The following SUMF1 variants were observed in gnomAD, a reference collection of about 807,000 sequenced individuals.
The protein encoded by SUMF1 is formylglycine-generating enzyme.
A neutral mutation model predicts 47.6 loss-of-function variants in SUMF1; 48 were observed. The ratio of observed to expected loss-of-function variants is 1.01; its 90% CI spans 0.80 to 1.28. The LOEUF (loss-of-function observed/expected upper bound fraction) is 1.28, where lower values mean the gene tolerates loss of function less well. Ranked by LOEUF, SUMF1 falls within the 50% of genes most tolerant of loss-of-function variation. The pLI is 0.00. For synonymous variants in SUMF1, 230 were observed against 192.1 expected, an observed-to-expected ratio of 1.20 and a Z score of -1.63; for missense variants, 571 against 485.4, an observed-to-expected ratio of 1.18 and a Z score of -1.66.
At chr3:4,055,571 C>T (rs1332976738) in intron 9 of SUMF1, among the ~76,000 whole-genome samples, 1 of 152,068 alleles carries the variant, frequency 6.6e-6, no homozygotes, top group Non-Finnish European at 1.5e-5. Flanking sequence ...TAATCTTGAA[C>T]TCCTGAACTC....
At chr3:4,239,662 G>C (rs1040791411) in intron 8 of SUMF1, among the ~76,000 whole-genome samples, 1 of 152,186 alleles carries the variant, frequency 6.6e-6, no homozygotes, top group East Asian at 1.9e-4. Flanking sequence ...AGCTTAAGGA[G>C]ATTTTGGGCT....
At chr3:4,099,965 T>C (rs1165779514) in intron 8 of SUMF1, among the ~76,000 whole-genome samples, 1 of 151,546 alleles carries the variant, frequency 6.6e-6, no homozygotes, top group Non-Finnish European at 1.5e-5. Flanking sequence ...CACAAATAAA[T>C]GGAAAGATAT....
chr3:4,233,869 C>G (rs569911665), intron 8 of SUMF1, among the ~76,000 whole-genome samples: 1 of 152,124 alleles, frequency 6.6e-6, no homozygotes. Context: ...AGGGTTTGCA[C>G]CGATGCACCA....
At chr3:4,276,317 C>T (rs1284238317) in intron 8 of SUMF1, among the ~76,000 whole-genome samples, 1 of 152,022 alleles carries the variant, frequency 6.6e-6, no homozygotes, top group Admixed American at 6.6e-5. Context: ...AAGAAATAGC[C>T]TAAAAAGACA....
chr3:4,246,514 G>C (rs760246925), intron 8 of SUMF1, among the ~76,000 whole-genome samples: 8 of 152,038 alleles, frequency 5.3e-5, no homozygotes, highest in South Asian at 2.1e-4. Flanking sequence ...TGATTCTCCT[G>C]TCTCAGCCTC....
At chr3:4,420,534 C>T (rs1701861038) in intron 3 of SUMF1, among the ~76,000 whole-genome samples, 1 of 151,686 alleles carries the variant, frequency 6.6e-6, no homozygotes. Context: ...GTAGCTGGGA[C>T]TACAGGCACG....
intron 8 of SUMF1, among the ~76,000 whole-genome samples, chr3:4,263,625 G>C (rs562789347): frequency 6.6e-6 from 1 of 152,072 alleles, no homozygotes; most frequent in Non-Finnish European, 1.5e-5. Flanking sequence ...CCAGTTCACT[G>C]GGAAATGCCC....
At chr3:4,228,928 A>G (rs1696235881) in intron 8 of SUMF1, among the ~76,000 whole-genome samples, 1 of 152,162 alleles carries the variant, frequency 6.6e-6, no homozygotes, top group South Asian at 2.1e-4. Flanking sequence ...CAAAAAGGTG[A>G]ATTATTGTAA....
intron 1 of SUMF1, 107 bp downstream of exon 1, chr3:4,466,869 T>G (rs2079962135): frequency 1.4e-6 from 2 of 1,478,846 alleles, no homozygotes; most frequent in African/African-American, 2.8e-5. Context: ...ATTTGGGGTG[T>G]GGTTATAACC....
rs1027579680 is a variant in SUMF1 at position 4,293,768 on chromosome 3, G to T, written c.1014+82562C>A. Among the ~76,000 whole-genome samples the T allele has an allele frequency of 5.3e-5, 8 of 152,290 alleles. 1 individual carries two copies. In the South Asian group the frequency reaches 1.7e-3, roughly 32 times the overall value. ...ATGTGATTATATTTTCAAAGCCCAA[G>T]AGCACAACCCTTAGTAAAAACATCT... On this transcript the variant is annotated intron_variant and NMD_transcript_variant, in intron 8 of 12. Transcript: ENST00000448413.
chr3:4,447,477 T>C (rs1702819334), intron 3 of SUMF1, among the ~76,000 whole-genome samples: 1 of 152,088 alleles, frequency 6.6e-6, no homozygotes. Flanking sequence ...TTCAGTGAGA[T>C]TGGAGGCTTG....
intron 8 of SUMF1, among the ~76,000 whole-genome samples, chr3:4,301,337 T>C (rs1387862122): frequency 6.6e-6 from 1 of 151,890 alleles, no homozygotes; most frequent in Non-Finnish European, 1.5e-5. Context: ...ACCAAGGAAA[T>C]AGGTAAAGTC....
Position 4,320,937 on chromosome 3 carries a change from C to A in SUMF1, c.1014+55393G>T, listed in dbSNP as rs143968294. On this transcript the variant is annotated intron_variant and NMD_transcript_variant, in intron 8 of 12. Transcript: ENST00000448413. The stretch of plus-strand genomic sequence containing the variant: ...TAAGGCCTTTCAATTTCCTTTAATT[C>A]TAAGTGCTCAGCATGTTAAAGGACC... Among the ~76,000 whole-genome samples the A allele has an allele frequency of 1.5e-3, 221 of 152,204 alleles. 1 individual carries two copies. Among genetic ancestry groups the A allele is most frequent in the African/African-American group, 4.9e-3 (205 of 41,520 alleles).
chr3:4,102,675 T>A (rs1392760918), intron 8 of SUMF1, among the ~76,000 whole-genome samples: 1 of 152,098 alleles, frequency 6.6e-6, no homozygotes, highest in Non-Finnish European at 1.5e-5. Flanking sequence ...TAATTATGAT[T>A]GTGGTTATTT....
chr3:4,397,520 G>C (rs1701076988), intron 7 of SUMF1, among the ~76,000 whole-genome samples: 1 of 152,156 alleles, frequency 6.6e-6, no homozygotes, highest in African/African-American at 2.4e-5. Flanking sequence ...CAAGTTATGA[G>C]AGAATAAAGC....
intron 7 of SUMF1, among the ~76,000 whole-genome samples, chr3:4,394,488 C>T (rs794187): frequency 0.32 from 48,243 of 151,992 alleles, 8,066 homozygotes; most frequent in Non-Finnish European, 0.34. Context: ...GAAAAAAGTA[C>T]ATAGTATTTG....
intron 8 of SUMF1, among the ~76,000 whole-genome samples, chr3:4,191,974 G>A (rs1442344501): frequency 6.6e-6 from 1 of 152,102 alleles, no homozygotes; most frequent in Non-Finnish European, 1.5e-5. Context: ...ATCAGAGAAG[G>A]CTTCAGAGAG....
chr3:4,329,439 C>G (rs920603412), intron 8 of SUMF1, among the ~76,000 whole-genome samples: 13 of 152,250 alleles, frequency 8.5e-5, no homozygotes, highest in Non-Finnish European at 1.6e-4. Context: ...CCCACAGGCT[C>G]AAAACCACGT....
chr3:4,169,526 A>G (rs73118451), intron 8 of SUMF1, among the ~76,000 whole-genome samples: 1,764 of 152,302 alleles, frequency 0.012, 35 homozygotes, highest in African/African-American at 0.04. Flanking sequence ...AGGATCCACT[A>G]GAGCCTTTAG....
Sources: gnomAD v4.1 joint callset for allele counts (sites outside exome capture counted in the v4.1 genomes callset) on GRCh38, gnomAD v4.1.1 for gene constraint, MANE v1.5 for transcripts, NCBI Gene and HGNC (gene_info 2026-07-23, HGNC 2026-07-21) for gene names.